The following INPP5B variants were observed in gnomAD, a reference collection of about 807,000 sequenced individuals.
The protein encoded by INPP5B is type II inositol 1,4,5-trisphosphate 5-phosphatase.
A neutral mutation model predicts 118.5 loss-of-function variants in INPP5B; 90 were observed. That is an observed-to-expected ratio of 0.76 (90% CI 0.64 to 0.90). The LOEUF is 0.90. Ranked by LOEUF, INPP5B falls within the 40% of genes least tolerant of loss-of-function variation. INPP5B has a pLI of 0.00. For missense variants in INPP5B, 984 were observed against 1,125.6 expected, an observed-to-expected ratio of 0.87 and a Z score of 1.80; for synonymous variants, 385 against 418.9, an observed-to-expected ratio of 0.92 and a Z score of 0.99.
chr1:37,868,906 G>A (rs891278265), intron 19 of INPP5B, among the ~76,000 whole-genome samples: 3 of 152,144 alleles, frequency 2.0e-5, no homozygotes, highest in Non-Finnish European at 4.4e-5. Context: ...GAGAAGTTGC[G>A]GTCTGGTGAG....
chr1:37,900,709 G>A (rs1324775754), intron 7 of INPP5B, among the ~76,000 whole-genome samples: 6 of 147,816 alleles, frequency 4.1e-5, no homozygotes, highest in Admixed American at 2.7e-4. Flanking sequence ...GCTCACTGCA[G>A]CCTCTGCCAC....
chr1:37,925,866 G>A (rs1031672041), intron 7 of INPP5B, among the ~76,000 whole-genome samples: 1 of 152,180 alleles, frequency 6.6e-6, no homozygotes, highest in African/African-American at 2.4e-5. Context: ...AAAGGAAGAA[G>A]AAAAACGAAT....
chr1:37,885,795 G>A lies in INPP5B; in HGVS notation c.1162C>T (p.Gln388Ter). The change falls in exon 13 of 24, where the codon CAG becomes TAG. Residue 388 changes from glutamine (Q) to a stop codon, truncating the protein, a stop_gained. Transcript: ENST00000373024. LOFTEE classifies it high-confidence loss of function. ...ACGCAGATGCTGGTGTTGTGGAACT[G>A]GAACCTGATCGCCACGCCTCCCTTG... Reference protein sequence around the residue: ...GNKGGVAIRFQFHNTSICVVN... With the variant: ...GNKGGVAIRF The A allele has an allele frequency of 6.2e-7, 1 of 1,614,176 alleles. No homozygotes were observed. Among genetic ancestry groups the A allele is most frequent in the South Asian group, 1.1e-5 (1 of 91,086 alleles).
chr1:37,920,123 G>A (rs1217279929), intron 7 of INPP5B, among the ~76,000 whole-genome samples: 2 of 152,176 alleles, frequency 1.3e-5, no homozygotes, highest in Non-Finnish European at 2.9e-5. Flanking sequence ...TTGCCCAAGA[G>A]CACACAGTAG....
At chr1:37,889,807 T>C in intron 8 of INPP5B, 83 bp from the exon 9 acceptor site, 3 of 1,009,860 alleles carry the variant, frequency 3.0e-6, no homozygotes, top group Non-Finnish European at 2.9e-6. Flanking sequence ...AGTTCCCCTA[T>C]ACAAGCATCT....
chr1:37,882,238 A>C (rs559198830), intron 14 of INPP5B, among the ~76,000 whole-genome samples: 11 of 152,356 alleles, frequency 7.2e-5, no homozygotes, highest in African/African-American at 2.4e-4. Context: ...TCTGAAATCT[A>C]CTGAAAGAAG....
intron 7 of INPP5B, among the ~76,000 whole-genome samples, chr1:37,916,283 G>A (rs1206926598): frequency 1.3e-5 from 2 of 151,850 alleles, no homozygotes; most frequent in Admixed American, 6.6e-5. Flanking sequence ...TAGTAGAGAT[G>A]GGGTTTTGCC....
At chr1:37,886,687 C>T (rs1483499583) in intron 12 of INPP5B, among the ~76,000 whole-genome samples, 1 of 152,212 alleles carries the variant, frequency 6.6e-6, no homozygotes, top group Non-Finnish European at 1.5e-5. Flanking sequence ...AGGACAGGCG[C>T]TAATTGGTTA....
chr1:37,913,831 C>T (rs1186901520), intron 7 of INPP5B, among the ~76,000 whole-genome samples: 1 of 152,164 alleles, frequency 6.6e-6, no homozygotes, highest in Non-Finnish European at 1.5e-5. Context: ...TATCCTGTGA[C>T]CTGCATGTAT....
chr1:37,924,718 G>T (rs545827661), intron 7 of INPP5B, among the ~76,000 whole-genome samples: 1 of 151,414 alleles, frequency 6.6e-6, no homozygotes, highest in East Asian at 2.0e-4. Context: ...ACCGGCCTGG[G>T]CAACACAGGG....
At chr1:37,866,161 G>C (rs1642016687) in intron 21 of INPP5B, among the ~76,000 whole-genome samples, 1 of 152,184 alleles carries the variant, frequency 6.6e-6, no homozygotes, top group African/African-American at 2.4e-5. Context: ...AATTAGCCAA[G>C]TGTGGTAGTA....
intron 7 of INPP5B, among the ~76,000 whole-genome samples, chr1:37,925,688 TCTAA>T (rs71675317): frequency 0.09 from 13,693 of 152,166 alleles, 1,513 homozygotes; most frequent in African/African-American, 0.26. Context: ...AAGCTCCACT[TCTAA>T]CTGAGTGTTT....
intron 23 of INPP5B, among the ~76,000 whole-genome samples, chr1:37,863,766 C>A (rs117604158): frequency 0.015 from 2,230 of 150,574 alleles, 49 homozygotes; most frequent in Admixed American, 0.066. Flanking sequence ...GGCCCTCCAT[C>A]GTATATGTGG....
intron 15 of INPP5B, among the ~76,000 whole-genome samples, chr1:37,878,986 G>C (rs936581759): frequency 6.6e-6 from 1 of 150,406 alleles, no homozygotes; most frequent in African/African-American, 2.4e-5. Flanking sequence ...GGCCAGGCAC[G>C]GTGGCTCACG....
At chr1:37,878,602 A>G (rs1334353129) in intron 15 of INPP5B, 16 of 428,174 alleles carry the variant, frequency 3.7e-5, no homozygotes, top group Non-Finnish European at 4.7e-5. Flanking sequence ...TAAAAAACCA[A>G]TCTGACAGTA....
chr1:37,904,858 C>G (rs1644453574), intron 7 of INPP5B, among the ~76,000 whole-genome samples: 2 of 147,342 alleles, frequency 1.4e-5, no homozygotes, highest in Admixed American at 1.4e-4. Context: ...GCCTGGGAAA[C>G]AAGAGCACAA....
intron 20 of INPP5B, among the ~76,000 whole-genome samples, chr1:37,867,547 G>A (rs1373433288): frequency 6.6e-6 from 1 of 152,078 alleles, no homozygotes; most frequent in African/African-American, 2.4e-5. Context: ...GAAAACTAGA[G>A]GCAATGCTGT....
chr1:37,881,956 G>T (rs939370939), intron 14 of INPP5B, among the ~76,000 whole-genome samples: 1 of 151,920 alleles, frequency 6.6e-6, no homozygotes, highest in Non-Finnish European at 1.5e-5. Flanking sequence ...AAAATTAGCC[G>T]GGCATACTGG....
chr1:37,912,646 T>C (rs915711063), intron 7 of INPP5B, among the ~76,000 whole-genome samples: 7 of 152,204 alleles, frequency 4.6e-5, no homozygotes, highest in Non-Finnish European at 1.0e-4. Flanking sequence ...TTGTAGCGGA[T>C]ATCTCCTGGT....
Sources: allele counts gnomAD v4.1 joint callset (sites outside exome capture counted in the v4.1 genomes callset), GRCh38; gene constraint gnomAD v4.1.1; transcripts MANE v1.5; gene names NCBI Gene and HGNC (gene_info 2026-07-23, HGNC 2026-07-21).